TACC2: variants seen among roughly 807,000 people sequenced by gnomAD.
TACC2 encodes transforming acidic coiled-coil containing protein 2.
In TACC2, 137 loss-of-function variants were observed where a neutral mutation model predicts 227.3. That is an observed-to-expected ratio of 0.60 (90% CI 0.52 to 0.69). The LOEUF is 0.69. TACC2 is among the 30% of genes least tolerant of loss of function. The probability of loss-of-function intolerance (pLI) is 0.00; values close to 1 mark genes in which losing one functional copy is unlikely to be tolerated. For missense variants in TACC2, 3,470 were observed against 3,694.4 expected (o/e 0.94, Z 1.57); for synonymous variants, 1,523 against 1,487.5 (o/e 1.02, Z -0.55).
intron 18 of TACC2, among the ~76,000 whole-genome samples, chr10:122,240,574 C>G (rs1028995664): frequency 1.3e-5 from 2 of 152,158 alleles, no homozygotes; most frequent in African/African-American, 4.8e-5. Context: ...AAGGAGTAAG[C>G]AGAGCGCCCG....
intron 3 of TACC2, among the ~76,000 whole-genome samples, chr10:122,060,641 A>C (rs2076684992): frequency 6.6e-6 from 1 of 152,236 alleles, no homozygotes; most frequent in African/African-American, 2.4e-5. Flanking sequence ...AAATGTGAGC[A>C]GCTTTCCATA....
chr10:122,152,136 C>T (rs539509174), intron 7 of TACC2, among the ~76,000 whole-genome samples: 1 of 152,304 alleles, frequency 6.6e-6, no homozygotes, highest in South Asian at 2.1e-4. Context: ...AGGATGGTGG[C>T]TCTTTGAGGA....
chr10:122,033,496 T>C (rs1393062305), intron 2 of TACC2, among the ~76,000 whole-genome samples: 1 of 152,196 alleles, frequency 6.6e-6, no homozygotes, highest in Non-Finnish European at 1.5e-5. Flanking sequence ...TTGATTTCCT[T>C]TGTCTGCAAG....
At chr10:122,067,602 G>A (rs2077528674) in intron 3 of TACC2, among the ~76,000 whole-genome samples, 1 of 151,282 alleles carries the variant, frequency 6.6e-6, no homozygotes, top group Non-Finnish European at 1.5e-5. Flanking sequence ...CGCCTCCCAG[G>A]TTCAAGCAAT....
In TACC2 at chr10:122,084,533, G is replaced by C; in HGVS notation, c.2033G>C (p.Gly678Ala). The C allele has an allele frequency of 6.2e-7, 1 of 1,613,656 alleles. No individual in the cohort carries two copies. Among genetic ancestry groups the C allele is most frequent in the Non-Finnish European group, 8.5e-7 (1 of 1,180,030 alleles). ...CTGCCCCCTGTGCCAGATGGAGCTG[G>C]TGAGCCCACTGTTCCCGAAGGAGCC... ...PVLPPVPDGA[G>A]EPTVPEGAIW... The change falls in exon 4 of 23, where the codon GGT becomes GCT. Residue 678 changes from glycine to alanine, a missense_variant. This residue lies in a region of TACC2 where 1,924 missense variants were observed against 1,978.3 expected (regional missense o/e 0.97). Transcript: ENST00000369005.
intron 3 of TACC2, among the ~76,000 whole-genome samples, chr10:122,070,935 A>C (rs1158019895): frequency 6.6e-6 from 1 of 151,918 alleles, no homozygotes. Flanking sequence ...AAAAAAAAAA[A>C]GGGATATAAC....
At chr10:122,041,945 C>CT (rs1223787607) in intron 2 of TACC2, among the ~76,000 whole-genome samples, 5 of 139,946 alleles carry the variant, frequency 3.6e-5, no homozygotes, top group African/African-American at 4.9e-5. Context: ...CTGTTCTTTT[C>CT]TTTTTTCTTT....
intron 3 of TACC2, among the ~76,000 whole-genome samples, chr10:122,059,562 T>G (rs201572320): frequency 1.7e-4 from 2 of 11,628 alleles, no homozygotes; most frequent in Admixed American, 2.2e-3. Context: ...TTCTCTCCTC[T>G]TTTTTTTTTC....
chr10:122,147,992 C>T (rs1056388179), intron 7 of TACC2, among the ~76,000 whole-genome samples: 7 of 152,262 alleles, frequency 4.6e-5, no homozygotes, highest in Admixed American at 2.6e-4. Flanking sequence ...TGTTTTTTCC[C>T]TTTGGATGAG....
At chr10:122,002,270 A>G (rs1484803165) in intron 1 of TACC2, among the ~76,000 whole-genome samples, 1 of 152,180 alleles carries the variant, frequency 6.6e-6, no homozygotes, top group Admixed American at 6.5e-5. Flanking sequence ...ATACCTTCAC[A>G]TTGGAGATTA....
rs1412503064 is a variant in TACC2, at chr10:122,141,835, G to A, written c.5700-1737G>A. Among the ~76,000 whole-genome samples, 1 of 152,130 alleles carries A rather than the reference G, an allele frequency of 6.6e-6. No individual in the cohort carries two copies. Among genetic ancestry groups the A allele is most frequent in the Non-Finnish European group, 1.5e-5 (1 of 68,036 alleles). ...GGTGGGATGTGTGTGGTGGAGGGGG[G>A]AGCACAGCAGTGTAATTTCTTGAGA... On this transcript the variant is annotated intron_variant, in intron 6 of 22. Coordinates refer to ENST00000369005, the MANE Select transcript of TACC2 (RefSeq NM_206862.4). The surrounding 1 kb of genome is among the most constrained non-coding windows in gnomAD (Gnocchi z 4.3).
chr10:121,999,595 G>A (rs756935650), intron 1 of TACC2, among the ~76,000 whole-genome samples: 20 of 152,332 alleles, frequency 1.3e-4, no homozygotes, highest in African/African-American at 2.9e-4. Flanking sequence ...ATTTGTTGGC[G>A]TGCCTCTCTT....
chr10:122,041,891 T>C (rs1015519223), intron 2 of TACC2, among the ~76,000 whole-genome samples: 3 of 152,264 alleles, frequency 2.0e-5, no homozygotes, highest in Non-Finnish European at 4.4e-5. Flanking sequence ...TTTGGCCAGA[T>C]GCATCTTCTG....
intron 7 of TACC2, among the ~76,000 whole-genome samples, chr10:122,156,088 C>A (rs1243545262): frequency 1.3e-5 from 2 of 150,088 alleles, no homozygotes; most frequent in Non-Finnish European, 3.0e-5. Flanking sequence ...CCGCCTGCCT[C>A]GGCCTCCCAA....
intron 7 of TACC2, among the ~76,000 whole-genome samples, chr10:122,164,642 G>C (rs932977900): frequency 3.3e-5 from 5 of 152,186 alleles, no homozygotes; most frequent in African/African-American, 1.2e-4. Flanking sequence ...TCCTGGCCGA[G>C]TGTTTATTAG....
At chr10:122,222,606 T>C (rs1174105445) in intron 11 of TACC2, among the ~76,000 whole-genome samples, 1 of 152,218 alleles carries the variant, frequency 6.6e-6, no homozygotes, top group Non-Finnish European at 1.5e-5. Flanking sequence ...TTTTGGCAGG[T>C]AGCAGAGAAG....
At chr10:122,142,854 G>A (rs901467444) in intron 6 of TACC2, among the ~76,000 whole-genome samples, 1 of 152,238 alleles carries the variant, frequency 6.6e-6, no homozygotes, top group African/African-American at 2.4e-5. Context: ...GTCTGTGGAG[G>A]CCGTTGCTAG....
rs556155430 is a variant in TACC2 at position 122,241,473 on chromosome 10, T to C, written c.8349-485T>C. 1.2e-4 allele frequency among the ~76,000 whole-genome samples: 19 copies of C among 152,258 alleles called. No homozygotes were observed. The East Asian group carries it at 3.1e-3, about 25-fold the overall frequency. On this transcript the variant is annotated intron_variant, in intron 18 of 22. Transcript: ENST00000369005. The stretch of plus-strand genomic sequence containing the variant: ...CACCTGGTTAATTTTGTATTTTTTG[T>C]AGGGATGGTGTTTCACCATGTTGCC...
At chr10:122,080,526 C>A (rs1219076688) in intron 3 of TACC2, among the ~76,000 whole-genome samples, 1 of 152,000 alleles carries the variant, frequency 6.6e-6, no homozygotes, top group African/African-American at 2.4e-5. Flanking sequence ...GAGCCATGCA[C>A]CCGGCCTCTT....
Sources: allele counts gnomAD v4.1 joint callset (sites outside exome capture counted in the v4.1 genomes callset), GRCh38; gene constraint gnomAD v4.1.1; regional missense constraint gnomAD v4.1.1; non-coding constraint Gnocchi (gnomAD v3.1); transcripts MANE v1.5; gene names NCBI Gene and HGNC (gene_info 2026-07-23, HGNC 2026-07-21).